Variants in SF1 observed in about 807,000 individuals in gnomAD.
The protein encoded by SF1 is splicing factor 1, also known as branch point-binding protein.
Under a neutral mutation model 62.5 loss-of-function variants are expected in SF1, and 7 were observed. The observed-to-expected ratio is 0.11, with a 90% confidence interval of 0.06 to 0.21. The LOEUF is 0.21. Ranked by LOEUF, SF1 falls within the 10% of genes least tolerant of loss-of-function variation. The probability of loss-of-function intolerance (pLI) is 1.00; values close to 1 mark genes in which losing one functional copy is unlikely to be tolerated. For missense variants in SF1, 578 were observed against 884.0 expected, an observed-to-expected ratio of 0.65 and a Z score of 4.39; for synonymous variants, 394 against 323.6, an observed-to-expected ratio of 1.22 and a Z score of -2.33.
At chr11:64,766,866 A>AACCCCCCCC in intron 12 of SF1, 34 bp downstream of exon 12, 1 of 181,358 alleles carries the variant, frequency 5.5e-6, no homozygotes, top group Non-Finnish European at 1.0e-5. Context: ...CCCCCATCCC[A>AACCCCCCCC]CCCACCCCCA....
rs1937865809 is a variant in SF1, at chr11:64,769,088, G to A, written c.821C>T (p.Thr274Ile). ...ACACTTGGTACACACTGTGGTGTTG[G>A]TAATGCTGCGGGTCTCTGAGCTCTG... ...PWQSSETRSI[T>I]NTTVCTKCGG... The change falls in exon 8 of 13, where the codon ACC becomes ATC. Residue 274 changes from threonine (T) to isoleucine (I), a missense_variant. Physicochemically the swap from Thr to Ile is moderately conservative, Grantham distance 89 (BLOSUM62 -1). Around this residue, in one of 7 missense-constraint regions of SF1, gnomAD observed 45 missense variants for 97.8 expected, o/e 0.46. Coordinates refer to ENST00000377390, the MANE Select transcript of SF1 (RefSeq NM_004630.4). 1 of 1,614,170 alleles carries A rather than the reference G, an allele frequency of 6.2e-7. No homozygotes were observed. Among genetic ancestry groups the A allele is most frequent in the Non-Finnish European group, 8.5e-7 (1 of 1,180,020 alleles).
chr11:64,776,662 A>AT (rs1565585424), intron 1 of SF1, 36 bp from the exon 2 acceptor site: 1 of 1,602,032 alleles, frequency 6.2e-7, no homozygotes, highest in African/African-American at 1.3e-5. Flanking sequence ...CGATGTAAAT[A>AT]CAAGTAGTTA....
chr11:64,768,504 C>A (rs1209495846), intron 8 of SF1, among the ~76,000 whole-genome samples: 1 of 152,190 alleles, frequency 6.6e-6, no homozygotes, highest in African/African-American at 2.4e-5. Flanking sequence ...AGTAGAGGGG[C>A]CCCTGGGCGA....
Position 64,765,429 on chromosome 11 carries a change from T to C in SF1, c.*389A>G. ...GAACCATCCTGTCCACCAGGGGCGT[T>C]GCTGAGGCTGTCTGCCTGGAAGGGT... On this transcript the variant is annotated 3_prime_UTR_variant, in exon 13 of 13. Transcript: ENST00000377390. The C allele has an allele frequency of 6.4e-7, 1 of 1,564,814 alleles. No homozygotes were observed. The highest frequency in any genetic ancestry group is 1.7e-4 in the Middle Eastern group (1 of 5,900).
chr11:64,776,609 G>A lies in SF1; in HGVS notation c.49C>T (p.Arg17Trp). 6.3e-7 allele frequency: 1 copy of A among 1,597,456 alleles called. No homozygotes were observed. Among genetic ancestry groups the A allele is most frequent in the Non-Finnish European group, 8.5e-7 (1 of 1,175,442 alleles). ...ATPLDFPSKK[R>W]KRSRWNQDTM... ...TCTTGGTTCCAGCGGCTCCTCTTCCGCTTCTTACTTGGGAAGTCTAAAAGG... is the reference window on the plus strand; with the variant it reads ...TCTTGGTTCCAGCGGCTCCTCTTCCACTTCTTACTTGGGAAGTCTAAAAGG... Residue 17 changes from arginine (R) to tryptophan (W), a missense_variant, in exon 2 of 13, where the codon CGG (arginine) becomes TGG (tryptophan). By Grantham distance (101) the Arg-to-Trp change is moderately radical (BLOSUM62 -3). Coordinates refer to ENST00000377390, the MANE Select transcript of SF1 (RefSeq NM_004630.4).
chr11:64,772,411 G>C (rs947437082), intron 3 of SF1: 1 of 984,920 alleles, frequency 1.0e-6, no homozygotes, highest in Admixed American at 6.2e-5. Flanking sequence ...AGCAAATGTA[G>C]TAAGTCAAAT....
intron 1 of SF1, 152 bp from the exon 2 acceptor site, chr11:64,776,778 C>A: frequency 1.4e-6 from 1 of 704,822 alleles, no homozygotes. Context: ...GAAAACAAAC[C>A]TCAGAGATCA....
intron 1 of SF1, 146 bp from the exon 2 acceptor site, chr11:64,776,772 A>T: frequency 1.4e-6 from 1 of 729,120 alleles, no homozygotes; most frequent in Non-Finnish European, 2.2e-6. Context: ...AAAACAGAAA[A>T]CAAACCTCAG....
rs1592549334 is a variant in SF1 at position 64,778,449 on chromosome 11, C to T, written c.-57G>A. 1.6e-6 allele frequency: 2 copies of T among 1,216,278 alleles called. No individual in the cohort carries two copies. 75.3% of individuals were successfully genotyped at this position (1,216,278 alleles called of 1,614,324 possible). The stretch of plus-strand genomic sequence containing the variant: ...TTTTCCTCTGCGGCGGCTTCTCCTT[C>T]GCAAGCCTCCCGGGGGGAGGGGACC... On this transcript the variant is annotated 5_prime_UTR_variant, in exon 1 of 13. Coordinates refer to ENST00000377390, the MANE Select transcript of SF1 (RefSeq NM_004630.4).
rs992995738 is a variant in SF1, at chr11:64,778,085, G to A, written c.31+277C>T. ...CACGCGCTGGTAGAGCGGCGGCGGA[G>A]GGGGCGGCTGCGGCGGCGGGTACGA... On this transcript the variant is annotated intron_variant, in intron 1 of 12. Transcript: ENST00000377390. 1.0e-5 allele frequency: 10 copies of A among 957,606 alleles called. No individual in the cohort carries two copies. The highest frequency in any genetic ancestry group is 1.3e-5 in the Non-Finnish European group (10 of 796,912). 59.3% of individuals were successfully genotyped at this position (957,606 alleles called of 1,614,324 possible).
chr11:64,770,465 G>A (rs886848891), intron 3 of SF1, 57 bp from the exon 4 acceptor site: 35 of 1,574,336 alleles, frequency 2.2e-5, no homozygotes, highest in African/African-American at 4.1e-5. Flanking sequence ...ATTCCCACAC[G>A]GACTATAACA....
At chr11:64,777,607 G>A (rs1399999926) in intron 1 of SF1, 4 of 985,374 alleles carry the variant, frequency 4.1e-6, no homozygotes, top group Non-Finnish European at 4.8e-6. Context: ...ACGTCATCAG[G>A]TGAGGCTTTC....
intron 1 of SF1, chr11:64,777,568 G>T: frequency 1.0e-6 from 1 of 985,446 alleles, no homozygotes; most frequent in Non-Finnish European, 1.2e-6. Context: ...TCCCATTCTG[G>T]TTCCTCAAGA....
At position 64,767,861 on chromosome 11, in the gene SF1, C is replaced by T; in HGVS notation, c.1069-17G>A. 6.2e-7 allele frequency: 1 copy of T among 1,604,820 alleles called. No homozygotes were observed. ...CATGAGAGACTACGTGAGAGCATTT[C>T]CTGCCAACGTCCCTGCCTGCGCCTC... On this transcript the variant is annotated splice_polypyrimidine_tract_variant and intron_variant, in intron 9 of 12. Transcript: ENST00000377390.
intron 3 of SF1, chr11:64,771,748 G>C (rs1167031280): frequency 1.0e-6 from 1 of 985,040 alleles, no homozygotes; most frequent in Non-Finnish European, 1.2e-6. Context: ...TTTTAAACAT[G>C]TTTTTACTGT....
At position 64,765,797 on chromosome 11, in the gene SF1, A is replaced by G. The variant is rs551424799; in HGVS notation, c.*21T>C. ...GACCAATTCTCTCTATATATAATATATATTTTCTTAAAAAACAAGTCTAGT... is the reference window on the plus strand; with the variant it reads ...GACCAATTCTCTCTATATATAATATGTATTTTCTTAAAAAACAAGTCTAGT... On this transcript the variant is annotated 3_prime_UTR_variant, in exon 13 of 13. Coordinates refer to ENST00000377390, the MANE Select transcript of SF1 (RefSeq NM_004630.4). 2.9e-5 allele frequency: 44 copies of G among 1,527,344 alleles called. No homozygotes were observed. Among genetic ancestry groups the G allele is most frequent in the South Asian group, 8.6e-5 (7 of 81,640 alleles). The allele number at this position is 1,527,344 out of a possible 1,614,324, so 94.6% of individuals were successfully genotyped here.
chr11:64,777,893 TGCCGCGTGCAGCCGCCGTCGCCGCC>T, intron 1 of SF1: 2 of 935,026 alleles, frequency 2.1e-6, no homozygotes, highest in Non-Finnish European at 2.5e-6. Context: ...CGCGCGCCCC[TGCCGCGTGCAGCCGCCGTCGCCGCC>T]GCCGCGCGCC....
chr11:64,772,854 A>T (rs1429620389), intron 3 of SF1: 2 of 985,246 alleles, frequency 2.0e-6, no homozygotes, highest in Non-Finnish European at 2.4e-6. Flanking sequence ...AAAATAGGTG[A>T]GAATATTCTG....
rs1451856457 is a variant in SF1, at chr11:64,778,440, C to T, written c.-48G>A. 1.1e-5 allele frequency: 13 copies of T among 1,219,424 alleles called. No homozygotes were observed. In the Admixed American group the frequency reaches 3.9e-4, roughly 36 times the overall value. The allele number at this position is 1,219,424 out of a possible 1,614,324, so 75.5% of individuals were successfully genotyped here. ...GGCACCTGCTTTTCCTCTGCGGCGG[C>T]TTCTCCTTCGCAAGCCTCCCGGGGG... On this transcript the variant is annotated 5_prime_UTR_variant, in exon 1 of 13. Transcript: ENST00000377390.
Sources: allele counts gnomAD v4.1 joint callset (sites outside exome capture counted in the v4.1 genomes callset), GRCh38; gene constraint gnomAD v4.1.1; regional missense constraint gnomAD v4.1.1; transcripts MANE v1.5; gene names NCBI Gene and HGNC (gene_info 2026-07-23, HGNC 2026-07-21).